PAK3: variants seen among roughly 807,000 people sequenced by gnomAD.
The protein encoded by PAK3 is p21 (RAC1) activated kinase 3.
In PAK3, 4 loss-of-function variants were observed where a neutral mutation model predicts 41.0. The observed-to-expected ratio is 0.10, with a 90% CI of 0.05 to 0.22. The LOEUF is 0.22. Ranked by LOEUF, PAK3 falls within the 10% of genes least tolerant of loss-of-function variation. The pLI, the probability that PAK3 is intolerant of heterozygous loss-of-function variation, is 1.00. For missense variants in PAK3, 205 were observed against 409.9 expected (o/e 0.50, Z 4.32); for synonymous variants, 146 against 139.6 (o/e 1.05, Z -0.32).
At chrX:111,061,060 T>C (rs1469646218) in intron 1 of PAK3, among the ~76,000 whole-genome samples, 1 of 111,738 alleles carries the variant, frequency 8.9e-6, no homozygotes, top group Non-Finnish European at 1.9e-5. Context: ...GTTGATCATC[T>C]TTGTCTTATT....
At chrX:110,975,385 A>G (rs901215888) in intron 1 of PAK3, among the ~76,000 whole-genome samples, 2 of 112,023 alleles carry the variant, frequency 1.8e-5, no homozygotes, top group Non-Finnish European at 3.8e-5. Flanking sequence ...TAAAATACCT[A>G]GGAATCCAAC....
chrX:111,010,148 C>T (rs188445263), intron 1 of PAK3, among the ~76,000 whole-genome samples: 1 of 112,152 alleles, frequency 8.9e-6, no homozygotes, highest in African/African-American at 3.2e-5. Context: ...ATTGTCCTGC[C>T]TTACCTCGCT....
intron 1 of PAK3, among the ~76,000 whole-genome samples, chrX:110,959,373 A>G (rs1398910764): frequency 9.0e-6 from 1 of 111,015 alleles, no homozygotes; most frequent in Non-Finnish European, 1.9e-5. Context: ...AGGGATTTTC[A>G]TCCTCATACA....
rs181588143 is a variant in PAK3 at position 111,107,194 on chromosome X, G to A, written c.-28+3888G>A. On this transcript the variant is annotated intron_variant, in intron 4 of 17. Transcript: ENST00000372007. ...TGCCTGCTGATTACACACATGGAAAGGGCAGGCCTGCTTCCACCAGGCACC... is the reference window on the plus strand; with the variant it reads ...TGCCTGCTGATTACACACATGGAAAAGGCAGGCCTGCTTCCACCAGGCACC... Among the ~76,000 whole-genome samples, 819 of 111,939 alleles carry A rather than the reference G, an allele frequency of 7.3e-3. 7 individuals are homozygous for A. The highest frequency in any genetic ancestry group is 0.011 in the Non-Finnish European group (595 of 53,151).
At chrX:111,103,851 G>A (rs2093197096) in intron 4 of PAK3, among the ~76,000 whole-genome samples, 1 of 111,469 alleles carries the variant, frequency 9.0e-6, no homozygotes, top group African/African-American at 3.3e-5. Flanking sequence ...ACCCAACCAA[G>A]ATGCACTTCC....
chrX:111,073,063 C>T (rs746563229), intron 1 of PAK3, among the ~76,000 whole-genome samples: 2 of 111,394 alleles, frequency 1.8e-5, no homozygotes, highest in Non-Finnish European at 3.8e-5. Context: ...TCCATACTCC[C>T]CCACAGTCTA....
chrX:111,000,848 A>G (rs186073821), intron 1 of PAK3, among the ~76,000 whole-genome samples: 1 of 112,012 alleles, frequency 8.9e-6, no homozygotes, highest in African/African-American at 3.2e-5. Context: ...AGGGAGGGAG[A>G]GAGAGAAACA....
chrX:111,081,131 G>A (rs1231756284), intron 1 of PAK3, among the ~76,000 whole-genome samples: 1 of 111,774 alleles, frequency 8.9e-6, no homozygotes, highest in Admixed American at 9.5e-5. Flanking sequence ...CAGTTAGATA[G>A]GAGAAATAAA....
Position 111,087,434 on chromosome X carries a change from A to AG in PAK3, c.-27-35643_-27-35642insG, listed in dbSNP as rs565698549. ...TTCTTGCATTATTACAAAAAAAAAA[A>AG]AAGGATTGATTATGAAGTGCAACAG... is the stretch of plus-strand genomic sequence containing the variant. On this transcript the variant is annotated intron_variant, in intron 1 of 14. Coordinates refer to the PAK3 transcript ENST00000425146. Among the ~76,000 whole-genome samples the AG allele has an allele frequency of 5.5e-3, 600 of 109,733 alleles. 3 individuals are homozygous for AG. Among genetic ancestry groups the AG allele is most frequent in the Middle Eastern group, 0.023 (5 of 216 alleles).
chrX:110,966,928 C>A (rs945622778), intron 1 of PAK3, among the ~76,000 whole-genome samples: 2 of 112,062 alleles, frequency 1.8e-5, no homozygotes, highest in Non-Finnish European at 3.8e-5. Flanking sequence ...AGGGATGGAT[C>A]CTGCCCCCAA....
At chrX:110,963,101 T>A (rs1161684022) in intron 1 of PAK3, among the ~76,000 whole-genome samples, 1 of 112,686 alleles carries the variant, frequency 8.9e-6, no homozygotes, top group African/African-American at 3.2e-5. Context: ...CAGCATCAGA[T>A]ATGAAATTGC....
At chrX:111,151,131 A>T (rs748026384) in intron 7 of PAK3, among the ~76,000 whole-genome samples, 8 of 112,423 alleles carry the variant, frequency 7.1e-5, no homozygotes, top group African/African-American at 2.6e-4. Flanking sequence ...ATAGAATAAA[A>T]TATCTAAGAG....
chrX:110,991,137 A>AG lies in PAK3; in HGVS notation c.-28+46509_-28+46510insG, dbSNP rs1172829187. Reference sequence around the variant, plus strand: ...GCAGAGCCAGACCCTGTCTCAAAAAAAAAAAGAAAAGAAAAAGAAAACAAA... The same window carrying AG: ...GCAGAGCCAGACCCTGTCTCAAAAAAGAAAAAGAAAAGAAAAAGAAAACAAA... On this transcript the variant is annotated intron_variant, in intron 1 of 14. Coordinates refer to the PAK3 transcript ENST00000425146. Among the ~76,000 whole-genome samples, 5 of 16,033 alleles carry AG rather than the reference A, an allele frequency of 3.1e-4. No homozygotes were observed. The East Asian group carries it at 0.5, about 1,603-fold the overall frequency. The allele number at this position is 16,033 out of a possible 115,157, so 13.9% of individuals were successfully genotyped here. A position where few individuals can be genotyped will look rare whatever the true frequency, so the allele number is the denominator to read the frequency against.
chrX:110,987,294 T>A (rs1452350821), intron 1 of PAK3, among the ~76,000 whole-genome samples: 1 of 112,738 alleles, frequency 8.9e-6, no homozygotes, highest in Non-Finnish European at 1.9e-5. Flanking sequence ...CACAGCCTTG[T>A]GGAAGTCGGG....
At chrX:110,969,067 A>G (rs1169628234) in intron 1 of PAK3, among the ~76,000 whole-genome samples, 1 of 101,340 alleles carries the variant, frequency 9.9e-6, no homozygotes, top group Non-Finnish European at 2.0e-5. Context: ...AGCTGGGATT[A>G]AAGGCATGTG....
Position 111,151,955 on chromosome X carries a change from G to A in PAK3, c.431-455G>A, listed in dbSNP as rs1027868675. On this transcript the variant is annotated intron_variant, in intron 7 of 17. Coordinates refer to ENST00000372007, the MANE Select transcript of PAK3 (RefSeq NM_002578.5). Reference sequence around the variant, plus strand: ...ATTTCAGGTGGAATGGAGCAGGACCGCGTGAGATTTTATCATACTCAGAAT... The same window carrying A: ...ATTTCAGGTGGAATGGAGCAGGACCACGTGAGATTTTATCATACTCAGAAT... Among the ~76,000 whole-genome samples, 11 of 111,886 alleles carry A rather than the reference G, an allele frequency of 9.8e-5. No homozygotes were observed. The East Asian group carries it at 1.4e-3, about 14-fold the overall frequency.
At chrX:111,002,586 C>T (rs190726800) in intron 1 of PAK3, among the ~76,000 whole-genome samples, 1 of 111,557 alleles carries the variant, frequency 9.0e-6, no homozygotes, top group Non-Finnish European at 1.9e-5. Context: ...ATCTGGCATC[C>T]CAACTTGAAA....
At chrX:111,100,189 T>C (rs2093099467) in intron 3 of PAK3, among the ~76,000 whole-genome samples, 2 of 110,094 alleles carry the variant, frequency 1.8e-5, no homozygotes, top group African/African-American at 6.7e-5. Context: ...TGGCCCTTAC[T>C]CCCTAACTCA....
chrX:111,207,030 A>C (rs1489456485), intron 16 of PAK3, among the ~76,000 whole-genome samples: 2 of 109,916 alleles, frequency 1.8e-5, no homozygotes, highest in Non-Finnish European at 3.8e-5. Context: ...AGTTGCAGGC[A>C]ACAACCAGCT....
Sources: gnomAD v4.1 joint callset for allele counts (sites outside exome capture counted in the v4.1 genomes callset) on GRCh38, gnomAD v4.1.1 for gene constraint, MANE v1.5 for transcripts, NCBI Gene and HGNC (gene_info 2026-07-23, HGNC 2026-07-21) for gene names.